The following FAAH2 variants were observed in gnomAD, a reference collection of about 807,000 sequenced individuals.
The protein encoded by FAAH2 is fatty acid amide hydrolase 2.
Under a neutral mutation model 36.9 loss-of-function variants are expected in FAAH2, and 60 were observed. The observed-to-expected ratio is 1.63, with a 90% CI of 1.32 to 2.02. The LOEUF (loss-of-function observed/expected upper bound fraction) is 2.02, where lower values mean the gene tolerates loss of function less well. FAAH2 is among the 30% of genes most tolerant of loss of function. The pLI is 0.00. For missense variants in FAAH2, 689 were observed against 397.5 expected (o/e 1.73, Z -6.23); for synonymous variants, 214 against 143.8 (o/e 1.49, Z -3.49).
the FAAH2 span, among the ~76,000 whole-genome samples, chrX:57,268,334 A>C: frequency 0.44 from 48,046 of 108,760 alleles, 10,917 homozygotes; most frequent in African/African-American, 0.86. Flanking sequence ...ATAACCCCCC[A>C]AAAAAAATGA....
chrX:57,324,174 G>A (rs1025706657), intron 3 of FAAH2, among the ~76,000 whole-genome samples: 21 of 111,191 alleles, frequency 1.9e-4, no homozygotes, highest in Non-Finnish European at 3.8e-5. Context: ...TATTTCTGAG[G>A]GCTCTGTTCT....
intron 9 of FAAH2, 30 bp from the exon 10 acceptor site, chrX:57,448,494 C>A: frequency 8.6e-7 from 1 of 1,158,897 alleles, no homozygotes; most frequent in South Asian, 1.9e-5. Context: ...AGTTTATTAC[C>A]TTAACTTGAT....
At chrX:57,219,679 C>T in the FAAH2 span, among the ~76,000 whole-genome samples, 1 of 110,294 alleles carries the variant, frequency 9.1e-6, no homozygotes, top group Admixed American at 9.6e-5. Flanking sequence ...GATGATGGCT[C>T]CTTTTATCTT....
intron 10 of FAAH2, among the ~76,000 whole-genome samples, chrX:57,478,160 G>T (rs2057306716): frequency 1.8e-5 from 2 of 111,858 alleles, no homozygotes; most frequent in Admixed American, 9.5e-5. Flanking sequence ...GTTGTTTCCT[G>T]ACTTTTTAAT....
chrX:57,478,280 A>G (rs2057309183), intron 10 of FAAH2, among the ~76,000 whole-genome samples: 1 of 111,689 alleles, frequency 9.0e-6, no homozygotes, highest in Non-Finnish European at 1.9e-5. Context: ...GGCTTCATAA[A>G]TGTCTTCTTT....
chrX:57,208,702 G>A, the FAAH2 span, among the ~76,000 whole-genome samples: 4 of 112,066 alleles, frequency 3.6e-5, no homozygotes, highest in African/African-American at 6.5e-5. Context: ...TTTACTGACA[G>A]CAAGCCAGTG....
the FAAH2 span, among the ~76,000 whole-genome samples, chrX:57,216,896 TAGA>T: frequency 1.8e-5 from 2 of 108,300 alleles, no homozygotes; most frequent in South Asian, 8.2e-4. Flanking sequence ...ACTAGCAATG[TAGA>T]AGAAGTGTTC....
chrX:57,380,216 G>A (rs2054805817), intron 6 of FAAH2, among the ~76,000 whole-genome samples: 1 of 110,185 alleles, frequency 9.1e-6, no homozygotes, highest in Admixed American at 9.8e-5. Context: ...AGAAGGACCT[G>A]GTTTACTTAT....
At chrX:57,234,594 G>A in the FAAH2 span, among the ~76,000 whole-genome samples, 1 of 111,824 alleles carries the variant, frequency 8.9e-6, no homozygotes, top group Non-Finnish European at 1.9e-5. Flanking sequence ...ATGGGAGACA[G>A]TGACAGATCA....
At chrX:57,341,157 A>T (rs1418814456) in intron 4 of FAAH2, 114 bp from the exon 5 acceptor site, 3 of 712,723 alleles carry the variant, frequency 4.2e-6, no homozygotes, top group Non-Finnish European at 5.9e-6. Context: ...TGAACAAAAG[A>T]CTCACTTTGG....
intron 7 of FAAH2, among the ~76,000 whole-genome samples, chrX:57,391,655 C>A (rs1289903616): frequency 1.8e-5 from 2 of 110,489 alleles, no homozygotes; most frequent in East Asian, 5.6e-4. Flanking sequence ...GGCTTTATTT[C>A]TTGATTCTCT....
rs1323079394 is a variant in FAAH2 at position 57,352,108 on chromosome X, GTGTATATATATGCACATATA to G, written c.742+10720_742+10739del. ...TATATATATGCACATATATATATAT[GTGTATATATATGCACATATA>G]TATATATGTGTATATATATGCACAT... On this transcript the variant is annotated intron_variant, in intron 5 of 10. Transcript: ENST00000374900. Among the ~76,000 whole-genome samples, 49 of 41,536 alleles carry G rather than the reference GTGTATATATATGCACATATA, an allele frequency of 1.2e-3. 1 individual carries two copies. Among genetic ancestry groups the G allele is most frequent in the African/African-American group, 6.2e-3 (46 of 7,418 alleles). The allele number at this position is 41,536 out of a possible 115,157, so 36.1% of individuals were successfully genotyped here.
chrX:57,171,529 C>T, the FAAH2 span, among the ~76,000 whole-genome samples: 1 of 111,136 alleles, frequency 9.0e-6, no homozygotes, highest in Non-Finnish European at 1.9e-5. Context: ...AACATTTTTT[C>T]ATATGTTTCT....
At chrX:57,267,653 G>A in the FAAH2 span, among the ~76,000 whole-genome samples, 1 of 111,838 alleles carries the variant, frequency 8.9e-6, no homozygotes, top group Non-Finnish European at 1.9e-5. Context: ...CAGTGCAGTA[G>A]ACTCCAAACC....
chrX:57,146,082 GT>G, the FAAH2 span, among the ~76,000 whole-genome samples: 1 of 109,042 alleles, frequency 9.2e-6, no homozygotes, highest in African/African-American at 3.3e-5. Context: ...TTTTAGGGTT[GT>G]TTTTTCTAGT....
intron 7 of FAAH2, among the ~76,000 whole-genome samples, chrX:57,418,209 G>A (rs1211586640): frequency 9.0e-6 from 1 of 111,656 alleles, no homozygotes; most frequent in Non-Finnish European, 1.9e-5. Context: ...TGTCTGCCTG[G>A]CTTCAGCCCT....
chrX:57,145,996 C>G, the FAAH2 span, among the ~76,000 whole-genome samples: 1 of 109,601 alleles, frequency 9.1e-6, no homozygotes, highest in African/African-American at 3.3e-5. Flanking sequence ...TAATGTGATG[C>G]CTCCAAATTT....
the FAAH2 span, among the ~76,000 whole-genome samples, chrX:57,272,116 A>G: frequency 9.3e-6 from 1 of 108,033 alleles, no homozygotes; most frequent in African/African-American, 3.4e-5. Context: ...TACAAGTATC[A>G]ATAGCTGAAT....
the FAAH2 span, among the ~76,000 whole-genome samples, chrX:57,276,426 G>A: frequency 1.8e-5 from 2 of 111,932 alleles, no homozygotes; most frequent in Admixed American, 9.5e-5. Context: ...TTAAAGCAGC[G>A]TGTAGAGGGA....
Sources: gnomAD v4.1 joint callset for allele counts (sites outside exome capture counted in the v4.1 genomes callset) on GRCh38, gnomAD v4.1.1 for gene constraint, MANE v1.5 for transcripts, NCBI Gene and HGNC (gene_info 2026-07-23, HGNC 2026-07-21) for gene names.